The following NOL4 variants were observed in gnomAD, a reference collection of about 807,000 sequenced individuals.
NOL4 encodes the protein nucleolar protein 4, also known as cancer/testis antigen 125.
A neutral mutation model predicts 75.9 loss-of-function variants in NOL4; 17 were observed. That is an observed-to-expected ratio of 0.22 (90% CI 0.15 to 0.34). The LOEUF (loss-of-function observed/expected upper bound fraction) is 0.34. NOL4 is among the 10% of genes least tolerant of loss of function. The probability of loss-of-function intolerance (pLI) is 1.00; values close to 1 mark genes in which losing one functional copy is unlikely to be tolerated. For missense variants in NOL4, 614 were observed against 793.5 expected, an observed-to-expected ratio of 0.77 and a Z score of 2.72; for synonymous variants, 292 against 289.9, an observed-to-expected ratio of 1.01 and a Z score of -0.07.
At chr18:34,139,448 T>G (rs2081046213) in intron 1 of NOL4, among the ~76,000 whole-genome samples, 2 of 152,216 alleles carry the variant, frequency 1.3e-5, no homozygotes, top group Non-Finnish European at 2.9e-5. Flanking sequence ...CTTCTAGATT[T>G]TCTAGTTTAT....
At chr18:33,969,952 T>C (rs570514127) in intron 6 of NOL4, among the ~76,000 whole-genome samples, 1 of 152,290 alleles carries the variant, frequency 6.6e-6, no homozygotes, top group Non-Finnish European at 1.5e-5. Context: ...TTTCAAGATA[T>C]TGTCTGGCTA....
chr18:34,088,397 A>T (rs906389025), intron 5 of NOL4, among the ~76,000 whole-genome samples: 1 of 152,112 alleles, frequency 6.6e-6, no homozygotes, highest in Admixed American at 6.6e-5. Context: ...TCCATAAATG[A>T]CTAGGATCTG....
intron 9 of NOL4, among the ~76,000 whole-genome samples, chr18:33,913,978 T>C (rs2066560784): frequency 6.6e-6 from 1 of 152,164 alleles, no homozygotes; most frequent in Admixed American, 6.6e-5. Context: ...AATGACCCAG[T>C]GTAGAGAATA....
intron 2 of NOL4, among the ~76,000 whole-genome samples, chr18:34,113,379 C>T (rs994728287): frequency 1.3e-5 from 2 of 152,142 alleles, no homozygotes; most frequent in African/African-American, 4.8e-5. Flanking sequence ...GTGGCTCACA[C>T]CTGTAATCCC....
chr18:34,081,201 G>T (rs4372764), intron 5 of NOL4, among the ~76,000 whole-genome samples: 66,997 of 151,928 alleles, frequency 0.44, 14,860 homozygotes, highest in Admixed American at 0.51. Context: ...TTTAATGAAT[G>T]TTATTGGTCT....
chr18:34,217,919 T>A (rs2037026335), intron 1 of NOL4, among the ~76,000 whole-genome samples: 1 of 151,986 alleles, frequency 6.6e-6, no homozygotes, highest in Non-Finnish European at 1.5e-5. Flanking sequence ...GACCCAGAAC[T>A]CCAGTAAACG....
At chr18:33,976,554 T>C (rs927528476) in intron 6 of NOL4, among the ~76,000 whole-genome samples, 13 of 152,178 alleles carry the variant, frequency 8.5e-5, no homozygotes, top group Admixed American at 2.6e-4. Context: ...ATTGAAATAG[T>C]AGAAGGTAAA....
chr18:34,108,480 G>T (rs1232847398), intron 2 of NOL4, among the ~76,000 whole-genome samples: 1 of 152,052 alleles, frequency 6.6e-6, no homozygotes, highest in Non-Finnish European at 1.5e-5. Flanking sequence ...GGACACATAG[G>T]CTGAAAGTGA....
chr18:33,946,307 T>A (rs1370025897), intron 8 of NOL4, among the ~76,000 whole-genome samples: 1 of 151,738 alleles, frequency 6.6e-6, no homozygotes, highest in Non-Finnish European at 1.5e-5. Context: ...AATATCTAAC[T>A]CTTATTGAGT....
intron 9 of NOL4, among the ~76,000 whole-genome samples, chr18:33,940,421 A>G (rs1409362619): frequency 6.6e-6 from 1 of 152,030 alleles, no homozygotes; most frequent in Non-Finnish European, 1.5e-5. Context: ...GAAACTGGAA[A>G]CCATCATTCT....
At chr18:34,134,185 A>G (rs2080786158) in intron 1 of NOL4, among the ~76,000 whole-genome samples, 1 of 152,106 alleles carries the variant, frequency 6.6e-6, no homozygotes, top group Non-Finnish European at 1.5e-5. Flanking sequence ...AACAAAATAT[A>G]TATCAGTCAC....
At chr18:33,861,550 A>G (rs113644103) in intron 10 of NOL4, among the ~76,000 whole-genome samples, 27,004 of 151,898 alleles carry the variant, frequency 0.18, 2,627 homozygotes, top group Non-Finnish European at 0.22. Flanking sequence ...TCTTGCTAGC[A>G]GTGTATCAAC....
chr18:34,014,668 C>A (rs947185968), intron 6 of NOL4, among the ~76,000 whole-genome samples: 3 of 151,914 alleles, frequency 2.0e-5, no homozygotes, highest in African/African-American at 7.2e-5. Flanking sequence ...ATCATTTCAG[C>A]CCTCTTTGGA....
intron 1 of NOL4, among the ~76,000 whole-genome samples, chr18:34,163,513 A>G (rs191848901): frequency 0.018 from 2,684 of 152,188 alleles, 71 homozygotes; most frequent in African/African-American, 0.062. Context: ...AGAATAAAAT[A>G]CCTAGGAATC....
chr18:34,080,408 G>A (rs932461883), intron 5 of NOL4, among the ~76,000 whole-genome samples: 18 of 152,124 alleles, frequency 1.2e-4, no homozygotes, highest in African/African-American at 4.1e-4. Flanking sequence ...CACATAGTAG[G>A]TGGTCAATAA....
rs536281361 is a variant in NOL4, at chr18:34,211,859, A to C, written c.264+11131T>G. 3.9e-5 allele frequency among the ~76,000 whole-genome samples: 6 copies of C among 152,316 alleles called. No homozygotes were observed. In the East Asian group the frequency reaches 1.2e-3, roughly 29 times the overall value. On this transcript the variant is annotated intron_variant, in intron 1 of 10. Coordinates refer to ENST00000261592, the MANE Select transcript of NOL4 (RefSeq NM_003787.5). Reference sequence around the variant, plus strand: ...TTCCTCCAGTATCTTGACAAAAGAAAAAGACTTGCCAATTACTGCTATTTT... The same window carrying C: ...TTCCTCCAGTATCTTGACAAAAGAACAAGACTTGCCAATTACTGCTATTTT...
At chr18:34,069,826 G>T (rs1261689853) in intron 5 of NOL4, among the ~76,000 whole-genome samples, 1 of 152,144 alleles carries the variant, frequency 6.6e-6, no homozygotes, top group Non-Finnish European at 1.5e-5. Flanking sequence ...AAAAACATCT[G>T]AAATAATTGG....
At chr18:34,013,100 T>C (rs528405183) in intron 6 of NOL4, among the ~76,000 whole-genome samples, 1 of 152,064 alleles carries the variant, frequency 6.6e-6, no homozygotes, top group South Asian at 2.1e-4. Flanking sequence ...TCTTCTTACA[T>C]TGGGTTGCTT....
chr18:34,071,329 A>T (rs1227219136), intron 5 of NOL4, among the ~76,000 whole-genome samples: 1 of 152,154 alleles, frequency 6.6e-6, no homozygotes, highest in Admixed American at 6.5e-5. Context: ...ATATAGATAC[A>T]TATTGAAATT....
Sources: gnomAD v4.1 joint callset for allele counts (sites outside exome capture counted in the v4.1 genomes callset) on GRCh38, gnomAD v4.1.1 for gene constraint, MANE v1.5 for transcripts, NCBI Gene and HGNC (gene_info 2026-07-23, HGNC 2026-07-21) for gene names.